The following NKAIN2 variants were observed in gnomAD, a reference collection of about 807,000 sequenced individuals.
NKAIN2 encodes the protein sodium/potassium-transporting ATPase subunit beta-1-interacting protein 2.
In NKAIN2, 14 loss-of-function variants were observed where a neutral mutation model predicts 32.6. The ratio of observed to expected loss-of-function variants is 0.43; its 90% CI spans 0.28 to 0.67. The LOEUF is 0.67. Ranked by LOEUF, NKAIN2 falls within the 30% of genes least tolerant of loss-of-function variation. NKAIN2 has a pLI of 0.17. For synonymous variants in NKAIN2, 80 were observed against 87.2 expected, an observed-to-expected ratio of 0.92 and a Z score of 0.46; for missense variants, 198 against 258.3, an observed-to-expected ratio of 0.77 and a Z score of 1.60.
intron 2 of NKAIN2, among the ~76,000 whole-genome samples, chr6:124,332,258 GAGAGAA>G (rs1797693885): frequency 6.6e-6 from 1 of 151,864 alleles, no homozygotes; most frequent in Admixed American, 6.6e-5. Flanking sequence ...GAGAGAGAGA[GAGAGAA>G]AGAGAAAGAG....
intron 3 of NKAIN2, among the ~76,000 whole-genome samples, chr6:124,466,337 T>A (rs1004977223): frequency 6.6e-6 from 1 of 152,294 alleles, no homozygotes; most frequent in African/African-American, 2.4e-5. Context: ...AAATGTAAGC[T>A]ACTTTTAGCA....
At chr6:124,675,096 T>C (rs1457484156) in intron 4 of NKAIN2, among the ~76,000 whole-genome samples, 3 of 152,122 alleles carry the variant, frequency 2.0e-5, no homozygotes, top group Admixed American at 1.3e-4. Flanking sequence ...CAAATGCTTT[T>C]TTCTGCATCC....
chr6:124,570,842 G>C (rs753887025), intron 3 of NKAIN2, among the ~76,000 whole-genome samples: 2 of 152,146 alleles, frequency 1.3e-5, no homozygotes, highest in African/African-American at 2.4e-5. Flanking sequence ...CCCCATAATG[G>C]TAGCTCCACT....
At chr6:124,104,896 C>T (rs899237708) in intron 1 of NKAIN2, among the ~76,000 whole-genome samples, 1 of 152,192 alleles carries the variant, frequency 6.6e-6, no homozygotes, top group African/African-American at 2.4e-5. Flanking sequence ...TTAGACAATA[C>T]TTCCTCCTCA....
At chr6:124,549,059 G>A (rs1252611648) in intron 3 of NKAIN2, among the ~76,000 whole-genome samples, 1 of 152,050 alleles carries the variant, frequency 6.6e-6, no homozygotes, top group East Asian at 1.9e-4. Context: ...GCTAGAAGGA[G>A]AAATGAGGTC....
chr6:124,586,934 G>A (rs535393739), intron 3 of NKAIN2, among the ~76,000 whole-genome samples: 16 of 152,296 alleles, frequency 1.1e-4, no homozygotes, highest in African/African-American at 3.6e-4. Context: ...ACACTAAAAG[G>A]AGAATGGTCC....
At chr6:124,360,334 T>C (rs1214593411) in intron 3 of NKAIN2, among the ~76,000 whole-genome samples, 1 of 152,136 alleles carries the variant, frequency 6.6e-6, no homozygotes, top group Non-Finnish European at 1.5e-5. Context: ...TTAGGCTGTC[T>C]TTTCTGCTTT....
At chr6:124,714,155 A>G (rs1775635210) in intron 4 of NKAIN2, among the ~76,000 whole-genome samples, 2 of 152,206 alleles carry the variant, frequency 1.3e-5, no homozygotes, top group Non-Finnish European at 2.9e-5. Context: ...TAGTGGCTCT[A>G]ACTTCCAGAG....
chr6:123,878,080 G>A (rs1457973389), intron 1 of NKAIN2, among the ~76,000 whole-genome samples: 2 of 152,138 alleles, frequency 1.3e-5, no homozygotes, highest in African/African-American at 4.8e-5. Context: ...TCCAAAATTA[G>A]CCAGGCTTGG....
At chr6:124,664,570 G>A (rs906027937) in intron 4 of NKAIN2, among the ~76,000 whole-genome samples, 23 of 150,840 alleles carry the variant, frequency 1.5e-4, no homozygotes, top group African/African-American at 3.4e-4. Context: ...CGAGGCGGGC[G>A]GATCACGAGG....
At chr6:123,871,080 C>CTGGGGA (rs1772846292) in intron 1 of NKAIN2, among the ~76,000 whole-genome samples, 2 of 152,160 alleles carry the variant, frequency 1.3e-5, no homozygotes, top group East Asian at 3.9e-4. Context: ...ACAACAAGAA[C>CTGGGGA]TGGGGATTTG....
chr6:124,677,037 C>T (rs549773291), intron 4 of NKAIN2, among the ~76,000 whole-genome samples: 8 of 152,198 alleles, frequency 5.3e-5, no homozygotes, highest in African/African-American at 1.4e-4. Context: ...GGCGTGATCT[C>T]GGCTCACTGC....
Position 124,192,888 on chromosome 6 carries a change from T to A in NKAIN2, c.55-90117T>A, listed in dbSNP as rs541494643. Among the ~76,000 whole-genome samples the A allele has an allele frequency of 2.3e-4, 35 of 151,910 alleles. No homozygotes were observed. In the South Asian group the frequency reaches 2.9e-3, roughly 13 times the overall value. On this transcript the variant is annotated intron_variant, in intron 1 of 6. Transcript: ENST00000368417. ...CCTCAGCCTCCCGAGTAGCTGGGAC[T>A]ACAGGCGCCCGCCACCGCGCGCAGC...
intron 1 of NKAIN2, among the ~76,000 whole-genome samples, chr6:123,851,244 ATTTT>A (rs59287833): frequency 0.044 from 3,866 of 87,960 alleles, 47 homozygotes; most frequent in Non-Finnish European, 0.059. Context: ...TGGTGGTTCT[ATTTT>A]TTTTTTTTTT....
intron 1 of NKAIN2, among the ~76,000 whole-genome samples, chr6:123,883,321 A>G (rs1347233505): frequency 6.6e-6 from 1 of 151,544 alleles, no homozygotes; most frequent in Non-Finnish European, 1.5e-5. Flanking sequence ...ATTTTTTTGT[A>G]TTTTTAGTAG....
At chr6:123,957,329 G>C (rs1399922081) in intron 1 of NKAIN2, among the ~76,000 whole-genome samples, 1 of 152,012 alleles carries the variant, frequency 6.6e-6, no homozygotes, top group Non-Finnish European at 1.5e-5. Flanking sequence ...TTTCAAAAAT[G>C]GTCACACTAA....
chr6:124,196,897 TAAGG>T (rs1790342895), intron 1 of NKAIN2, among the ~76,000 whole-genome samples: 1 of 151,866 alleles, frequency 6.6e-6, no homozygotes, highest in African/African-American at 2.4e-5. Context: ...TAAAGATTAA[TAAGG>T]AAGAACCTCA....
intron 4 of NKAIN2, among the ~76,000 whole-genome samples, chr6:124,676,965 CGTT>C (rs1326888883): frequency 2.0e-5 from 3 of 151,782 alleles, no homozygotes; most frequent in African/African-American, 4.8e-5. Flanking sequence ...TTGTTGTTGT[CGTT>C]GTTGTTGTTT....
At chr6:124,042,875 G>GT (rs1781937411) in intron 1 of NKAIN2, among the ~76,000 whole-genome samples, 2 of 152,002 alleles carry the variant, frequency 1.3e-5, no homozygotes, top group Non-Finnish European at 2.9e-5. Flanking sequence ...TTTTTCCTTT[G>GT]TAACAGGAAT....
Sources: allele counts gnomAD v4.1 joint callset (sites outside exome capture counted in the v4.1 genomes callset), GRCh38; gene constraint gnomAD v4.1.1; transcripts MANE v1.5; gene names NCBI Gene and HGNC (gene_info 2026-07-23, HGNC 2026-07-21).